CYP4F22: variants seen among roughly 807,000 people sequenced by gnomAD.
CYP4F22 encodes the protein ultra-long-chain fatty acid omega-hydroxylase.
In CYP4F22, 37 loss-of-function variants were observed where a neutral mutation model predicts 60.4. The observed-to-expected ratio is 0.61, with a 90% CI of 0.47 to 0.81. The LOEUF (loss-of-function observed/expected upper bound fraction) is 0.81, where lower values mean the gene tolerates loss of function less well. CYP4F22 is among the 30% of genes least tolerant of loss of function. The pLI is 0.00. For missense variants in CYP4F22, 655 were observed against 715.0 expected (o/e 0.92, Z 0.96); for synonymous variants, 258 against 280.5 (o/e 0.92, Z 0.80).
In CYP4F22 at chr19:15,525,566, T is replaced by A. The variant is rs1396519104; in HGVS notation, c.222+8T>A. 3.8e-5 allele frequency: 61 copies of A among 1,605,724 alleles called. No homozygotes were observed. The highest frequency in any genetic ancestry group is 5.2e-5 in the Non-Finnish European group (61 of 1,179,604). On this transcript the variant is annotated splice_region_variant and intron_variant, in intron 3 of 13. Transcript: ENST00000269703. ...CTGGGCCACCTGGGCATGGTAAGTG[T>A]GGCCAGGCAGGACTGGGCTGGGCTG...
chr19:15,511,301 A>G (rs1018448229), intron 1 of CYP4F22, among the ~76,000 whole-genome samples: 1 of 151,014 alleles, frequency 6.6e-6, no homozygotes, highest in Non-Finnish European at 1.5e-5. Context: ...CAAAAAAATT[A>G]AAAAAAAATT....
intron 3 of CYP4F22, among the ~76,000 whole-genome samples, chr19:15,529,313 G>A (rs950092113): frequency 2.6e-5 from 4 of 151,852 alleles, no homozygotes; most frequent in Admixed American, 2.6e-4. Flanking sequence ...ATTTTTAGTA[G>A]AGATGGCCTT....
At chr19:15,525,581 G>A (rs750949368) in intron 3 of CYP4F22, 23 bp downstream of exon 3, 1 of 1,589,506 alleles carries the variant, frequency 6.3e-7, no homozygotes, top group African/African-American at 1.3e-5. Context: ...AGGCAGGACT[G>A]GGCTGGGCTG....
chr19:15,532,943 C>T (rs1971359408), intron 4 of CYP4F22, among the ~76,000 whole-genome samples: 1 of 152,168 alleles, frequency 6.6e-6, no homozygotes, highest in African/African-American at 2.4e-5. Flanking sequence ...TGGAGTGAGG[C>T]CTCTTGGCCC....
intron 1 of CYP4F22, chr19:15,516,534 G>A (rs965384533): frequency 5.2e-5 from 12 of 230,198 alleles, no homozygotes; most frequent in African/African-American, 2.3e-4. Flanking sequence ...TCTGCAAGGA[G>A]CACCCTTTAT....
At position 15,537,881 on chromosome 19, in the gene CYP4F22, C is replaced by A. The variant is rs142364533; in HGVS notation, c.559C>A (p.Arg187=). The A allele has an allele frequency of 6.2e-7, 1 of 1,613,888 alleles. No individual in the cohort carries two copies. Among genetic ancestry groups the A allele is most frequent in the Middle Eastern group, 1.7e-4 (1 of 5,854 alleles). ...TGTATCTCTCTTCCAGGCTAAATGG[C>A]GGCATCTGGCAGAGGGCTCAGCGGT... ...QSADIMHAKW[R]HLAEGSAVSL... Residue 187 remains arginine (R), a synonymous_variant, in exon 7 of 14, where the codon CGG becomes AGG. Coordinates refer to ENST00000269703, the MANE Select transcript of CYP4F22 (RefSeq NM_173483.4).
At chr19:15,543,876 A>G in intron 8 of CYP4F22, 95 bp from the exon 9 acceptor site, 2 of 1,251,270 alleles carry the variant, frequency 1.6e-6, no homozygotes. Context: ...AAAAAAAAAA[A>G]AGATGGGGGC....
intron 4 of CYP4F22, 105 bp from the exon 5 acceptor site, chr19:15,537,256 G>T: frequency 7.0e-7 from 1 of 1,436,984 alleles, no homozygotes; most frequent in South Asian, 1.2e-5. Context: ...AGTGGAGATC[G>T]CACCACTGCA....
intron 1 of CYP4F22, among the ~76,000 whole-genome samples, chr19:15,520,009 C>CTG (rs910716693): frequency 2.0e-5 from 3 of 152,016 alleles, no homozygotes; most frequent in Non-Finnish European, 2.9e-5. Context: ...ATGTTTGTGT[C>CTG]TGTGTGTGTG....
chr19:15,511,474 A>AAAC (rs924569613), intron 1 of CYP4F22, among the ~76,000 whole-genome samples: 12 of 152,016 alleles, frequency 7.9e-5, no homozygotes, highest in Admixed American at 3.9e-4. Flanking sequence ...CAAAACAAAC[A>AAAC]AACAACAACA....
intron 7 of CYP4F22, 22 bp downstream of exon 7, chr19:15,538,015 A>G (rs1261832347): frequency 6.2e-7 from 1 of 1,613,918 alleles, no homozygotes; most frequent in Admixed American, 1.7e-5. Flanking sequence ...CCTTCTTGGG[A>G]AGATGGAGCC....
At chr19:15,520,171 C>T (rs532478055) in intron 1 of CYP4F22, among the ~76,000 whole-genome samples, 8 of 151,828 alleles carry the variant, frequency 5.3e-5, no homozygotes, top group African/African-American at 1.7e-4. Flanking sequence ...GGTGAAACCC[C>T]GTCTCTACTA....
At position 15,525,515 on chromosome 19, in the gene CYP4F22, C is replaced by G; in HGVS notation, c.179C>G (p.Pro60Arg). The change falls in exon 3 of 14, where the codon CCC becomes CGC. Residue 60 changes from proline to arginine, a missense_variant. Pro to Arg is a moderately radical substitution (Grantham distance 103). Transcript: ENST00000269703. ...YITCRRLRCF[P>R]QPPRRNWLLG... The stretch of plus-strand genomic sequence containing the variant: ...ACCTGCCGCCGGCTGCGCTGCTTCC[C>G]CCAGCCTCCCCGGCGCAACTGGCTG... 1 of 1,612,452 alleles carries G rather than the reference C, an allele frequency of 6.2e-7. No individual in the cohort carries two copies. The highest frequency in any genetic ancestry group is 8.5e-7 in the Non-Finnish European group (1 of 1,179,896).
In CYP4F22 at chr19:15,540,526, T is replaced by C. The variant is rs1971446000; in HGVS notation, c.748T>C (p.Tyr250His). The C allele has an allele frequency of 3.7e-6, 6 of 1,614,188 alleles. No individual in the cohort carries two copies. The highest frequency in any genetic ancestry group is 5.1e-6 in the Non-Finnish European group (6 of 1,180,038). ...CCGGCGCCAGTATCGCTTGCACCAC[T>C]ACCTCGACTTCATTTACTACCGCTC... ...SVRRQYRLHH[Y>H]LDFIYYRSAD... Residue 250 changes from tyrosine (Y) to histidine (H), a missense_variant, in exon 8 of 14, where the codon TAC becomes CAC. Around this residue, in one of 3 missense-constraint regions of CYP4F22, gnomAD observed 430 missense variants for 457.1 expected, o/e 0.94. Coordinates refer to ENST00000269703, the MANE Select transcript of CYP4F22 (RefSeq NM_173483.4).
chr19:15,511,958 C>T (rs760914998), intron 1 of CYP4F22, among the ~76,000 whole-genome samples: 1 of 152,190 alleles, frequency 6.6e-6, no homozygotes, highest in South Asian at 2.1e-4. Context: ...GGCAGGGCCA[C>T]CTCTACCAAG....
intron 10 of CYP4F22, among the ~76,000 whole-genome samples, chr19:15,545,517 C>T (rs778931461): frequency 1.1e-4 from 16 of 151,248 alleles, no homozygotes; most frequent in African/African-American, 2.7e-4. Context: ...GGTGGGGTGG[C>T]GCATGCCTAT....
Position 15,540,469 on chromosome 19 carries a change from T to C in CYP4F22, c.691T>C (p.Ser231Pro), listed in dbSNP as rs757051294. Residue 231 changes from serine to proline, a missense_variant, in exon 8 of 14, where the codon TCC becomes CCC. Transcript: ENST00000269703. Reference protein sequence around the residue: ...NCQEKMSDYISAIIELSALSV... With the variant: ...NCQEKMSDYIPAIIELSALSV... Reference sequence around the variant, plus strand: ...TGGCAGGAAGATGAGTGATTATATCTCCGCTATCATTGAACTGAGCGCTCT... The same window carrying C: ...TGGCAGGAAGATGAGTGATTATATCCCCGCTATCATTGAACTGAGCGCTCT... 1.2e-6 allele frequency: 2 copies of C among 1,614,176 alleles called. No homozygotes were observed. Among genetic ancestry groups the C allele is most frequent in the Non-Finnish European group, 1.7e-6 (2 of 1,180,036 alleles).
At chr19:15,524,040 A>G (rs558071883) in intron 2 of CYP4F22, among the ~76,000 whole-genome samples, 20 of 149,744 alleles carry the variant, frequency 1.3e-4, no homozygotes, top group Non-Finnish European at 2.7e-4. Context: ...AGCCTGAGTG[A>G]CAGAACCAGA....
At chr19:15,513,596 C>T (rs1426906163) in intron 1 of CYP4F22, among the ~76,000 whole-genome samples, 4 of 151,982 alleles carry the variant, frequency 2.6e-5, no homozygotes, top group Non-Finnish European at 4.4e-5. Context: ...GATCTCCTGA[C>T]CTCGTGATCT....
Sources: gnomAD v4.1 joint callset for allele counts (sites outside exome capture counted in the v4.1 genomes callset) on GRCh38, gnomAD v4.1.1 for gene constraint, gnomAD v4.1.1 regional missense constraint, MANE v1.5 for transcripts, NCBI Gene and HGNC (gene_info 2026-07-23, HGNC 2026-07-21) for gene names.